Variants in VAV2 observed in about 807,000 individuals in gnomAD.
VAV2 encodes guanine nucleotide exchange factor VAV2.
In VAV2, 67 loss-of-function variants were observed where a neutral mutation model predicts 132.5. The ratio of observed to expected loss-of-function variants is 0.51; its 90% CI spans 0.42 to 0.62. The LOEUF (loss-of-function observed/expected upper bound fraction) is 0.62. Ranked by LOEUF, VAV2 falls within the 20% of genes least tolerant of loss-of-function variation. The probability of loss-of-function intolerance (pLI) is 0.00; values close to 1 mark genes in which losing one functional copy is unlikely to be tolerated. For synonymous variants in VAV2, 492 were observed against 443.5 expected (o/e 1.11, Z -1.37); for missense variants, 938 against 1,153.6 (o/e 0.81, Z 2.71).
intron 2 of VAV2, among the ~76,000 whole-genome samples, chr9:133,934,437 C>T (rs183463108): frequency 9.2e-5 from 14 of 152,304 alleles, no homozygotes; most frequent in Admixed American, 5.2e-4. Flanking sequence ...TGTGGCTGTG[C>T]GGGTGTTTCC....
intron 2 of VAV2, among the ~76,000 whole-genome samples, chr9:133,921,862 G>T (rs1474432289): frequency 5.3e-5 from 8 of 152,264 alleles, no homozygotes; most frequent in Admixed American, 5.2e-4. Context: ...CGTCACAGTG[G>T]TTCTAATTGT....
intron 3 of VAV2, among the ~76,000 whole-genome samples, chr9:133,847,022 C>T (rs1273303402): frequency 1.3e-5 from 2 of 152,154 alleles, no homozygotes; most frequent in African/African-American, 2.4e-5. Context: ...GGCCTGAAGG[C>T]GGCCCTGGGT....
At chr9:133,952,260 C>G (rs527316) in intron 1 of VAV2, among the ~76,000 whole-genome samples, 58,380 of 151,876 alleles carry the variant, frequency 0.38, 11,467 homozygotes, top group Non-Finnish European at 0.42. Flanking sequence ...CCCTGAGAAG[C>G]CTATTTGTGA....
Position 133,804,529 on chromosome 9 carries a change from C to T in VAV2, c.836+1552G>A, listed in dbSNP as rs79643046. ...GTGGAGGGAGGCTCCTGGGAGAGGA[C>T]AGGTTATCCACCCTGTCACTCTACC... On this transcript the variant is annotated intron_variant, in intron 9 of 29. Transcript: ENST00000371850. The surrounding 1 kb of genome is among the most constrained non-coding windows in gnomAD (Gnocchi z 4.5). 0.01 allele frequency among the ~76,000 whole-genome samples: 1,563 copies of T among 152,320 alleles called. 33 individuals carry two copies. Among genetic ancestry groups the T allele is most frequent in the South Asian group, 0.06 (287 of 4,822 alleles).
At chr9:133,933,651 G>A (rs898498235) in intron 2 of VAV2, among the ~76,000 whole-genome samples, 15 of 150,728 alleles carry the variant, frequency 1.0e-4, no homozygotes, top group Admixed American at 4.0e-4. Context: ...ATGAATGGAC[G>A]GATGGGTGGA....
intron 4 of VAV2, among the ~76,000 whole-genome samples, chr9:133,815,370 T>G (rs1835516370): frequency 6.6e-6 from 1 of 152,232 alleles, no homozygotes; most frequent in Non-Finnish European, 1.5e-5. Flanking sequence ...TAGTGGTACC[T>G]TTCTGACAAG....
rs1230041883 is a variant in VAV2 at position 133,907,891 on chromosome 9, TGGAG to T, written c.321+31208_321+31211del. 9.7e-3 allele frequency among the ~76,000 whole-genome samples: 768 copies of T among 79,172 alleles called. 12 individuals carry two copies. Among genetic ancestry groups the T allele is most frequent in the African/African-American group, 0.036 (713 of 19,958 alleles). The allele number at this position is 79,172 out of a possible 152,430, so 51.9% of individuals were successfully genotyped here. ...TCCTTTACCGCCCTCCCCCAGAGAG[TGGAG>T]GGAGGGCCTGGGGCACCCCTCCCAC... is the stretch of plus-strand genomic sequence containing the variant. On this transcript the variant is annotated intron_variant, in intron 2 of 29. Transcript: ENST00000371850.
At chr9:133,842,956 C>T (rs1021019151) in intron 3 of VAV2, among the ~76,000 whole-genome samples, 2 of 152,212 alleles carry the variant, frequency 1.3e-5, no homozygotes, top group Non-Finnish European at 2.9e-5. Context: ...ACCTGGGTGC[C>T]GCCTTCTAAT....
intron 29 of VAV2, among the ~76,000 whole-genome samples, chr9:133,765,402 C>T (rs568415857): frequency 3.9e-5 from 6 of 152,306 alleles, no homozygotes; most frequent in Non-Finnish European, 5.9e-5. Context: ...CAGGACACTA[C>T]GGCACTGAGA....
At chr9:133,990,202 C>T (rs1269247190) in intron 1 of VAV2, among the ~76,000 whole-genome samples, 2 of 152,190 alleles carry the variant, frequency 1.3e-5, no homozygotes, top group African/African-American at 4.8e-5. Context: ...CAGGCCCCTA[C>T]ACGCCCTCCA....
At chr9:133,783,952 C>T (rs1834117265) in intron 18 of VAV2, among the ~76,000 whole-genome samples, 1 of 149,142 alleles carries the variant, frequency 6.7e-6, no homozygotes, top group Admixed American at 6.7e-5. Context: ...GACATCACAG[C>T]TCACTGGAGG....
At chr9:133,831,672 G>A (rs1044738179) in intron 4 of VAV2, among the ~76,000 whole-genome samples, 4 of 152,280 alleles carry the variant, frequency 2.6e-5, no homozygotes, top group South Asian at 2.1e-4. Flanking sequence ...CCATCGTCCC[G>A]GAGCCCTCCT....
At chr9:133,770,672 G>A (rs1286476207) in intron 26 of VAV2, among the ~76,000 whole-genome samples, 171 bp from the exon 27 acceptor site, 19 of 152,184 alleles carry the variant, frequency 1.2e-4, no homozygotes, top group Non-Finnish European at 2.5e-4. Context: ...GTACCTCGAA[G>A]GTACCAGCAA....
At chr9:133,939,269 A>T in intron 1 of VAV2, 50 bp from the exon 2 acceptor site, 1 of 1,532,378 alleles carries the variant, frequency 6.5e-7, no homozygotes, top group Non-Finnish European at 9.0e-7. Context: ...TTAAAACTGT[A>T]AGCTCTGTAA....
intron 1 of VAV2, among the ~76,000 whole-genome samples, chr9:133,960,261 G>T (rs531524731): frequency 1.0e-3 from 157 of 152,258 alleles, no homozygotes; most frequent in African/African-American, 3.7e-3. Flanking sequence ...GCGCCCTCCG[G>T]GACCAAGCTG....
In VAV2 at chr9:133,780,764, C is replaced by T. The variant is rs563854068; in HGVS notation, c.1724-54G>A. 29 of 1,258,298 alleles carry T rather than the reference C, an allele frequency of 2.3e-5. No individual in the cohort carries two copies. In the Admixed American group the frequency reaches 4.2e-4, roughly 18 times the overall value. 77.9% of individuals were successfully genotyped at this position (1,258,298 alleles called of 1,614,324 possible). A position where few individuals can be genotyped will look rare whatever the true frequency, so the allele number is the denominator to read the frequency against. On this transcript the variant is annotated intron_variant, in intron 19 of 29. Coordinates refer to ENST00000371850, the MANE Select transcript of VAV2 (RefSeq NM_001134398.2). ...GGGGAGGCCACCGACGCCAAGGCCC[C>T]GTGCAGCTCTCACTCACACCGCCCC... is the stretch of plus-strand genomic sequence containing the variant.
chr9:133,779,840 C>G, intron 21 of VAV2, 78 bp downstream of exon 21: 12 of 1,556,762 alleles, frequency 7.7e-6, no homozygotes, highest in Non-Finnish European at 1.0e-5. Flanking sequence ...TGGCCATCAC[C>G]ACACCTAGGC....
At position 133,840,239 on chromosome 9, in the gene VAV2, T is replaced by C. The variant is rs544225475; in HGVS notation, c.381-5899A>G. ...AGCATGCATTTCCTCGTGCCCGGCTTCGGGAAGCAGAGTTTCCCACTGCAC... is the reference window on the plus strand; with the variant it reads ...AGCATGCATTTCCTCGTGCCCGGCTCCGGGAAGCAGAGTTTCCCACTGCAC... On this transcript the variant is annotated intron_variant, in intron 3 of 29. Transcript: ENST00000371850. This position sits in a 1 kb window ranked among gnomAD's most constrained non-coding sequence, Gnocchi z 4.5. Among the ~76,000 whole-genome samples the C allele has an allele frequency of 1.3e-5, 2 of 152,286 alleles. No homozygotes were observed. Among genetic ancestry groups the C allele is most frequent in the East Asian group, 3.9e-4 (2 of 5,184 alleles).
intron 5 of VAV2, 130 bp from the exon 6 acceptor site, chr9:133,810,335 C>T (rs1347658661): frequency 6.9e-7 from 1 of 1,446,842 alleles, no homozygotes; most frequent in Non-Finnish European, 9.4e-7. Context: ...ACATCACGGC[C>T]CCTCGTGCTG....
Sources: gnomAD v4.1 joint callset for allele counts (sites outside exome capture counted in the v4.1 genomes callset) on GRCh38, gnomAD v4.1.1 for gene constraint, Gnocchi (gnomAD v3.1) non-coding constraint, MANE v1.5 for transcripts, NCBI Gene and HGNC (gene_info 2026-07-23, HGNC 2026-07-21) for gene names.